The following CHAF1B variants were observed in gnomAD, a reference collection of about 807,000 sequenced individuals.
CHAF1B encodes the protein CAF-1 subunit B.
A neutral mutation model predicts 60.7 loss-of-function variants in CHAF1B; 10 were observed. The observed-to-expected ratio is 0.16, with a 90% CI of 0.10 to 0.28. CHAF1B has a LOEUF of 0.28. Ranked by LOEUF, CHAF1B falls within the 10% of genes least tolerant of loss-of-function variation. The pLI is 1.00. For synonymous variants in CHAF1B, 261 were observed against 266.1 expected, an observed-to-expected ratio of 0.98 and a Z score of 0.19; for missense variants, 558 against 708.4, an observed-to-expected ratio of 0.79 and a Z score of 2.41.
At chr21:36,395,505 C>T (rs2086130613) in intron 5 of CHAF1B, among the ~76,000 whole-genome samples, 1 of 152,218 alleles carries the variant, frequency 6.6e-6, no homozygotes, top group African/African-American at 2.4e-5. Flanking sequence ...TGAAGCCAGG[C>T]AAATCCCACA....
Position 36,398,772 on chromosome 21 carries a change from T to A in CHAF1B, c.579-749T>A, listed in dbSNP as rs77784643. 6.1e-3 allele frequency among the ~76,000 whole-genome samples: 936 copies of A among 152,344 alleles called. 14 individuals are homozygous for A. Among genetic ancestry groups the A allele is most frequent in the African/African-American group, 0.021 (864 of 41,574 alleles). Reference sequence around the variant, plus strand: ...GGCATAATTGCATTTAATTGTATTGTTGGAACAAAGAGTTAGAAAAAATGA... The same window carrying A: ...GGCATAATTGCATTTAATTGTATTGATGGAACAAAGAGTTAGAAAAAATGA... On this transcript the variant is annotated intron_variant, in intron 6 of 13. Transcript: ENST00000314103.
chr21:36,410,644 T>TCGA (rs1325683916), intron 10 of CHAF1B, among the ~76,000 whole-genome samples: 1 of 151,722 alleles, frequency 6.6e-6, no homozygotes, highest in African/African-American at 2.4e-5. Context: ...TCTGTGCCTC[T>TCGA]CCATGCTCCA....
intron 4 of CHAF1B, among the ~76,000 whole-genome samples, chr21:36,392,167 C>A (rs1285074717): frequency 6.6e-6 from 1 of 151,808 alleles, no homozygotes; most frequent in Non-Finnish European, 1.5e-5. Context: ...TTTAACAAAG[C>A]ACATCTTGTA....
Position 36,412,953 on chromosome 21 carries a change from A to G in CHAF1B, c.1131A>G (p.Lys377=). 4 of 1,614,228 alleles carry G rather than the reference A, an allele frequency of 2.5e-6. No homozygotes were observed. The highest frequency in any genetic ancestry group is 3.4e-6 in the Non-Finnish European group (4 of 1,180,048). The change falls in exon 12 of 14, where the codon AAA becomes AAG. Residue 377 remains lysine (K), a synonymous_variant. Transcript: ENST00000314103. The part of the protein sequence containing the change: ...DGYCSFVTFE[K]DELGIPLKEK... ...ACTGCTCATTTGTGACATTTGAGAA[A>G]GATGAACTTGGAATTCCTTTGAAAG...
Position 36,387,219 on chromosome 21 carries a change from G to GTTTTTTTTTTTTTTTTT in CHAF1B, c.127-375_127-374insTTTTTTTTTTTTTTTTT, listed in dbSNP as rs1471540790. On this transcript the variant is annotated intron_variant, in intron 2 of 13. Coordinates refer to ENST00000314103, the MANE Select transcript of CHAF1B (RefSeq NM_005441.3). ...AGTTTTCTTTCTGAAAATAAGCATA[G>GTTTTTTTTTTTTTTTTT]TTTTGTTTTTTTTTTTTTTTTGAGA... Among the ~76,000 whole-genome samples the GTTTTTTTTTTTTTTTTT allele has an allele frequency of 1.4e-5, 2 of 141,316 alleles. 1 individual carries two copies. Among genetic ancestry groups the GTTTTTTTTTTTTTTTTT allele is most frequent in the African/African-American group, 5.3e-5 (2 of 37,668 alleles). 92.7% of individuals were successfully genotyped at this position (141,316 alleles called of 152,430 possible).
At chr21:36,408,357 CATCCAAGGCTGGA>C (rs888006107) in intron 8 of CHAF1B, among the ~76,000 whole-genome samples, 19 of 152,138 alleles carry the variant, frequency 1.2e-4, no homozygotes, top group Non-Finnish European at 2.8e-4. Flanking sequence ...CTTTGGATGG[CATCCAAGGCTGGA>C]ATCCAGGAAA....
intron 3 of CHAF1B, among the ~76,000 whole-genome samples, chr21:36,390,333 C>CAAAAGAAAAAA: frequency 1.2e-5 from 1 of 81,922 alleles, no homozygotes; most frequent in East Asian, 2.8e-4. Flanking sequence ...AACACCATCT[C>CAAAAGAAAAAA]AAAAAAAAAA....
chr21:36,393,472 A>ATT (rs2086110207), intron 4 of CHAF1B, among the ~76,000 whole-genome samples: 7 of 85,434 alleles, frequency 8.2e-5, no homozygotes, highest in African/African-American at 2.8e-4. Flanking sequence ...TTTTTTTTAG[A>ATT]TGGAGTTTTG....
At chr21:36,396,025 G>A (rs1166691686) in intron 5 of CHAF1B, among the ~76,000 whole-genome samples, 1 of 151,112 alleles carries the variant, frequency 6.6e-6, no homozygotes, top group Admixed American at 6.6e-5. Context: ...ATTTTAGATG[G>A]AGTCTCCCTC....
Position 36,416,581 on chromosome 21 carries a change from C to T in CHAF1B, c.*215C>T, listed in dbSNP as rs571857716. On this transcript the variant is annotated 3_prime_UTR_variant, in exon 14 of 14. Coordinates refer to ENST00000314103, the MANE Select transcript of CHAF1B (RefSeq NM_005441.3). ...TTAACTTGGGACATGAACGTTTTAA[C>T]GTAGTAAATCCTCTTTTTGATGAGT... 1.0e-4 allele frequency: 44 copies of T among 439,046 alleles called. No homozygotes were observed. The highest frequency in any genetic ancestry group is 2.9e-4 in the African/African-American group (15 of 51,906). 27.2% of individuals were successfully genotyped at this position (439,046 alleles called of 1,614,324 possible). A position where few individuals can be genotyped will look rare whatever the true frequency, so the allele number is the denominator to read the frequency against.
intron 8 of CHAF1B, among the ~76,000 whole-genome samples, chr21:36,405,886 T>C (rs1461767252): frequency 1.3e-5 from 2 of 151,554 alleles, no homozygotes; most frequent in Non-Finnish European, 2.9e-5. Flanking sequence ...TGCATTAAAG[T>C]TTTTTTTTAA....
rs546567321 is a variant in CHAF1B, at chr21:36,410,482, T to C, written c.920-981T>C. 3.3e-5 allele frequency among the ~76,000 whole-genome samples: 5 copies of C among 152,288 alleles called. No homozygotes were observed. In the South Asian group the frequency reaches 1.0e-3, roughly 32 times the overall value. On this transcript the variant is annotated intron_variant, in intron 10 of 13. Coordinates refer to ENST00000314103, the MANE Select transcript of CHAF1B (RefSeq NM_005441.3). ...CTACTTACTTTTTTTGTTTTTTTCT[T>C]CTTCCAGTGTTTGATTTTGGAAGTC... is the stretch of plus-strand genomic sequence containing the variant.
At chr21:36,408,868 T>C (rs1189091548) in intron 9 of CHAF1B, 38 bp downstream of exon 9, 2 of 1,468,850 alleles carry the variant, frequency 1.4e-6, no homozygotes. Flanking sequence ...GTTTACATTT[T>C]TTTTAGACGG....
intron 11 of CHAF1B, 51 bp from the exon 12 acceptor site, chr21:36,412,833 A>C (rs566248586): frequency 6.5e-7 from 1 of 1,543,082 alleles, no homozygotes; most frequent in East Asian, 2.3e-5. Context: ...TTCTAAGTAG[A>C]TGTGAGAGTG....
At chr21:36,413,952 C>T (rs1052883106) in intron 12 of CHAF1B, among the ~76,000 whole-genome samples, 12 of 152,172 alleles carry the variant, frequency 7.9e-5, no homozygotes, top group Non-Finnish European at 1.5e-4. Flanking sequence ...CCTGAGACTG[C>T]GTTTGATGTC....
chr21:36,390,995 G>A (rs1056494041), intron 3 of CHAF1B, among the ~76,000 whole-genome samples: 1 of 152,178 alleles, frequency 6.6e-6, no homozygotes, highest in Non-Finnish European at 1.5e-5. Context: ...GAGACATCAA[G>A]ATGCTAAGTG....
chr21:36,416,402 C>G lies in CHAF1B; in HGVS notation c.*36C>G. 10 of 1,570,254 alleles carry G rather than the reference C, an allele frequency of 6.4e-6. No individual in the cohort carries two copies. Among genetic ancestry groups the G allele is most frequent in the Non-Finnish European group, 8.7e-6 (10 of 1,145,390 alleles). On this transcript the variant is annotated 3_prime_UTR_variant, in exon 14 of 14. Coordinates refer to ENST00000314103, the MANE Select transcript of CHAF1B (RefSeq NM_005441.3). Reference sequence around the variant, plus strand: ...GCTTCTGCTCGAAGCCTACCAGGCTCCCGGTGTGTGCAGGGAGACGGTAAA... The same window carrying G: ...GCTTCTGCTCGAAGCCTACCAGGCTGCCGGTGTGTGCAGGGAGACGGTAAA...
rs1015667395 is a variant in CHAF1B, at chr21:36,417,786, G to A, written c.*1420G>A. ...CTGGTCAAATGGTATCTGTTTTGACGGGTGGTTCTCAACTGTAGCTGCATA... is the reference window on the plus strand; with the variant it reads ...CTGGTCAAATGGTATCTGTTTTGACAGGTGGTTCTCAACTGTAGCTGCATA... On this transcript the variant is annotated 3_prime_UTR_variant, in exon 14 of 14. Transcript: ENST00000314103. The A allele has an allele frequency of 6.6e-6, 1 of 151,694 alleles. No homozygotes were observed. The highest frequency in any genetic ancestry group is 1.5e-5 in the Non-Finnish European group (1 of 67,932). The allele number at this position is 151,694 out of a possible 1,614,324, so 9.4% of individuals were successfully genotyped here. A position where few individuals can be genotyped will look rare whatever the true frequency, so the allele number is the denominator to read the frequency against.
intron 2 of CHAF1B, among the ~76,000 whole-genome samples, chr21:36,386,497 G>A (rs2086035856): frequency 6.6e-6 from 1 of 152,104 alleles, no homozygotes; most frequent in African/African-American, 2.4e-5. Flanking sequence ...CCAGCTACTT[G>A]GGAAGTTGAA....
Sources: allele counts gnomAD v4.1 joint callset (sites outside exome capture counted in the v4.1 genomes callset), GRCh38; gene constraint gnomAD v4.1.1; transcripts MANE v1.5; gene names NCBI Gene and HGNC (gene_info 2026-07-23, HGNC 2026-07-21).